Variants in CYRIB observed in about 807,000 individuals in gnomAD.
CYRIB encodes the protein CYFIP-related Rac1 interactor B.
Under a neutral mutation model 44.2 loss-of-function variants are expected in CYRIB, and 8 were observed. The observed-to-expected ratio is 0.18, with a 90% CI of 0.11 to 0.33. The LOEUF is 0.33. Ranked by LOEUF, CYRIB falls within the 10% of genes least tolerant of loss-of-function variation. The probability of loss-of-function intolerance (pLI) is 1.00; values close to 1 mark genes in which losing one functional copy is unlikely to be tolerated. For synonymous variants in CYRIB, 131 were observed against 127.2 expected (o/e 1.03, Z -0.20); for missense variants, 185 against 382.8 (o/e 0.48, Z 4.31).
chr8:129,878,060 C>A (rs1026196706), intron 3 of CYRIB, among the ~76,000 whole-genome samples: 5 of 152,186 alleles, frequency 3.3e-5, no homozygotes, highest in African/African-American at 1.2e-4. Context: ...TAAACATGCA[C>A]TTAACATAGC....
intron 1 of CYRIB, among the ~76,000 whole-genome samples, chr8:129,926,903 T>G (rs1210819487): frequency 6.6e-6 from 1 of 152,198 alleles, no homozygotes; most frequent in Non-Finnish European, 1.5e-5. Flanking sequence ...TTATAAAAAC[T>G]TTAAATGCCT....
chr8:129,967,405 A>T (rs1467227172), intron 2 of CYRIB, among the ~76,000 whole-genome samples: 17 of 142,750 alleles, frequency 1.2e-4, no homozygotes, highest in African/African-American at 3.7e-4. Flanking sequence ...TTTGAGATGG[A>T]GTCTTGCTCT....
chr8:129,986,707 C>T (rs2096466714), intron 1 of CYRIB, among the ~76,000 whole-genome samples: 1 of 152,180 alleles, frequency 6.6e-6, no homozygotes. Flanking sequence ...CAGATGCAGC[C>T]CCTCAACCAT....
chr8:130,011,913 C>T (rs895423006), intron 1 of CYRIB, among the ~76,000 whole-genome samples: 20 of 151,988 alleles, frequency 1.3e-4, no homozygotes, highest in Non-Finnish European at 2.8e-4. Flanking sequence ...TGGCTGCCCA[C>T]TCACCCACAC....
intron 2 of CYRIB, among the ~76,000 whole-genome samples, chr8:129,897,151 C>T (rs78177225): frequency 0.021 from 3,252 of 152,220 alleles, 137 homozygotes; most frequent in African/African-American, 0.074. Flanking sequence ...GGACCATTCA[C>T]GGTCAAATGG....
At position 129,856,436 on chromosome 8, in the gene CYRIB, A is replaced by G. The variant is rs575305321; in HGVS notation, c.302-689T>C. Among the ~76,000 whole-genome samples, 16 of 152,300 alleles carry G rather than the reference A, an allele frequency of 1.1e-4. No homozygotes were observed. In the East Asian group the frequency reaches 3.1e-3, roughly 29 times the overall value. On this transcript the variant is annotated intron_variant, in intron 5 of 11. Coordinates refer to ENST00000519824, the Ensembl canonical transcript of CYRIB. ...TACTAAATACTAATACTAATATTAA[A>G]TACTAAATACTAATATTTCATTTCA...
At chr8:129,978,791 G>A (rs2096072909) in intron 1 of CYRIB, among the ~76,000 whole-genome samples, 1 of 152,160 alleles carries the variant, frequency 6.6e-6, no homozygotes, top group Admixed American at 6.6e-5. Context: ...CTAAGTGCGT[G>A]TACACACACA....
chr8:129,953,603 A>G (rs1030514401), intron 2 of CYRIB, among the ~76,000 whole-genome samples: 2 of 152,120 alleles, frequency 1.3e-5, no homozygotes, highest in Admixed American at 1.3e-4. Context: ...CGGCCACACT[A>G]TTTTGTCACC....
intron 2 of CYRIB, among the ~76,000 whole-genome samples, chr8:129,890,270 C>T (rs2064685142): frequency 6.6e-6 from 1 of 152,140 alleles, no homozygotes; most frequent in African/African-American, 2.4e-5. Context: ...GAAGTGTCAA[C>T]TGATGTGGCA....
chr8:129,887,220 C>T (rs902856051), intron 2 of CYRIB, among the ~76,000 whole-genome samples: 8 of 152,168 alleles, frequency 5.3e-5, no homozygotes, highest in Non-Finnish European at 8.8e-5. Flanking sequence ...CCAGCCACTC[C>T]AGCTCCAGCC....
At chr8:129,968,660 G>A (rs1401719268) in intron 2 of CYRIB, among the ~76,000 whole-genome samples, 6 of 152,228 alleles carry the variant, frequency 3.9e-5, no homozygotes, top group African/African-American at 1.4e-4. Flanking sequence ...CAGTTCTTAC[G>A]TTAATTTTTC....
chr8:129,868,302 T>G (rs1358916991), intron 4 of CYRIB, among the ~76,000 whole-genome samples: 1 of 152,236 alleles, frequency 6.6e-6, no homozygotes, highest in African/African-American at 2.4e-5. Context: ...CGATCTACAG[T>G]AGATTTAAAT....
intron 5 of CYRIB, 127 bp from the exon 8 acceptor site, chr8:129,855,874 CATAA>C (rs1249000702): frequency 2.5e-6 from 2 of 805,332 alleles, no homozygotes; most frequent in African/African-American, 1.7e-5. Flanking sequence ...ATGATCTAAA[CATAA>C]TAAAACTAAT....
At chr8:129,912,837 T>C (rs951270831) in intron 1 of CYRIB, among the ~76,000 whole-genome samples, 1 of 152,234 alleles carries the variant, frequency 6.6e-6, no homozygotes, top group Admixed American at 6.5e-5. Flanking sequence ...AATCTGTGTG[T>C]CATGTTTACG....
At chr8:129,847,818 T>C (rs945180380) in intron 10 of CYRIB, among the ~76,000 whole-genome samples, 1 of 152,174 alleles carries the variant, frequency 6.6e-6, no homozygotes, top group Admixed American at 6.5e-5. Context: ...CTTTTTATTT[T>C]TGAGATGGAG....
At chr8:129,886,519 C>T (rs1321205971) in intron 2 of CYRIB, among the ~76,000 whole-genome samples, 1 of 152,160 alleles carries the variant, frequency 6.6e-6, no homozygotes, top group African/African-American at 2.4e-5. Context: ...TATTCCCTTG[C>T]TTCTCTTTGC....
chr8:129,932,647 T>C (rs957037811), intron 1 of CYRIB, among the ~76,000 whole-genome samples: 3 of 152,166 alleles, frequency 2.0e-5, no homozygotes, highest in Admixed American at 1.3e-4. Flanking sequence ...CCAGATTCCA[T>C]GAAAATATGG....
At chr8:129,905,089 C>G (rs544854589) in intron 1 of CYRIB, among the ~76,000 whole-genome samples, 2 of 152,342 alleles carry the variant, frequency 1.3e-5, no homozygotes, top group East Asian at 3.9e-4. Flanking sequence ...AAGGGCTATA[C>G]GTGCATGAAC....
At chr8:129,842,894 A>T (rs2037291212) in intron 11 of CYRIB, among the ~76,000 whole-genome samples, 1 of 152,212 alleles carries the variant, frequency 6.6e-6, no homozygotes, top group Non-Finnish European at 1.5e-5. Context: ...TGCCTCAATT[A>T]CTACAGCTGT....
Sources: allele counts gnomAD v4.1 joint callset (sites outside exome capture counted in the v4.1 genomes callset), GRCh38; gene constraint gnomAD v4.1.1; transcripts MANE v1.5; gene names NCBI Gene and HGNC (gene_info 2026-07-23, HGNC 2026-07-21).